Variants in PAG1 observed in about 807,000 individuals in gnomAD.
The protein encoded by PAG1 is phosphoprotein associated with glycosphingolipid-enriched microdomains 1.
A neutral mutation model predicts 31.7 loss-of-function variants in PAG1; 23 were observed. The ratio of observed to expected loss-of-function variants is 0.73; its 90% CI spans 0.52 to 1.03. The LOEUF is 1.03. Ranked by LOEUF, PAG1 falls within the 50% of genes least tolerant of loss-of-function variation. The pLI is 0.00. For missense variants in PAG1, 473 were observed against 540.7 expected, an observed-to-expected ratio of 0.87 and a Z score of 1.24; for synonymous variants, 214 against 210.3, an observed-to-expected ratio of 1.02 and a Z score of -0.15.
chr8:81,004,403 C>T (rs1188365144), intron 3 of PAG1, among the ~76,000 whole-genome samples: 1 of 152,142 alleles, frequency 6.6e-6, no homozygotes, highest in Non-Finnish European at 1.5e-5. Context: ...TGACCAATAC[C>T]TCGCATGATA....
chr8:81,042,702 C>T (rs1808574384), intron 2 of PAG1, among the ~76,000 whole-genome samples: 1 of 151,968 alleles, frequency 6.6e-6, no homozygotes, highest in South Asian at 2.1e-4. Flanking sequence ...GATGGGAAAA[C>T]ACAGACAGGA....
intron 7 of PAG1, among the ~76,000 whole-genome samples, chr8:80,981,546 C>T (rs534788160): frequency 6.6e-6 from 1 of 152,104 alleles, no homozygotes; most frequent in African/African-American, 2.4e-5. Flanking sequence ...GATGATCTTG[C>T]TTCCTAGTTG....
At chr8:81,017,045 G>A (rs1033452247) in intron 3 of PAG1, among the ~76,000 whole-genome samples, 6 of 152,114 alleles carry the variant, frequency 3.9e-5, no homozygotes, top group South Asian at 2.1e-4. Context: ...TGTTGCATGA[G>A]TGAACCTGGC....
chr8:81,085,000 A>G (rs1425536589), intron 1 of PAG1, among the ~76,000 whole-genome samples: 4 of 152,252 alleles, frequency 2.6e-5, no homozygotes, highest in African/African-American at 9.6e-5. Flanking sequence ...ATAAGATACA[A>G]TGAAGGGCAA....
chr8:81,011,231 CA>C (rs1807978392), intron 3 of PAG1, among the ~76,000 whole-genome samples: 1 of 152,208 alleles, frequency 6.6e-6, no homozygotes, highest in African/African-American at 2.4e-5. Flanking sequence ...TGTCCCCACC[CA>C]AATGTCATCT....
intron 2 of PAG1, among the ~76,000 whole-genome samples, chr8:81,046,679 T>A (rs146042334): frequency 6.6e-6 from 1 of 152,226 alleles, no homozygotes; most frequent in African/African-American, 2.4e-5. Flanking sequence ...GTCTTTTTTT[T>A]AAATTTCCAA....
At chr8:81,090,804 GCTGA>G (rs1809432594) in intron 1 of PAG1, among the ~76,000 whole-genome samples, 1 of 151,520 alleles carries the variant, frequency 6.6e-6, no homozygotes, top group Admixed American at 6.5e-5. Flanking sequence ...AAGAAATGAG[GCTGA>G]CTGACCACCA....
intron 1 of PAG1, among the ~76,000 whole-genome samples, chr8:81,109,697 G>C (rs1278230631): frequency 3.9e-5 from 6 of 152,262 alleles, no homozygotes; most frequent in South Asian, 4.2e-4. Context: ...AGCTTAATAT[G>C]CCAGATACTG....
rs1305911575 is a variant in PAG1 at position 80,975,672 on chromosome 8, G to A, written c.*872C>T. On this transcript the variant is annotated 3_prime_UTR_variant, in exon 9 of 9. Transcript: ENST00000220597. ...TCTGTGTCCCAACATAAAGATTAAG[G>A]CTCTCTGTTTTGAAGGAATGAGTTC... The A allele has an allele frequency of 6.6e-6, 1 of 152,136 alleles. No individual in the cohort carries two copies. The highest frequency in any genetic ancestry group is 6.6e-5 in the Admixed American group (1 of 15,264). The allele number at this position is 152,136 out of a possible 1,614,324, so 9.4% of individuals were successfully genotyped here.
intron 1 of PAG1, among the ~76,000 whole-genome samples, chr8:81,078,117 T>C (rs912279476): frequency 6.6e-6 from 1 of 152,252 alleles, no homozygotes. Context: ...TTTATCTCCT[T>C]CAGTGCCAGA....
chr8:81,034,350 C>T (rs916118052), intron 2 of PAG1, among the ~76,000 whole-genome samples: 1 of 152,148 alleles, frequency 6.6e-6, no homozygotes, highest in Admixed American at 6.5e-5. Flanking sequence ...AAGGATGTTG[C>T]TATAATAAAA....
At chr8:81,086,070 C>G (rs532093202) in intron 1 of PAG1, among the ~76,000 whole-genome samples, 245 of 146,274 alleles carry the variant, frequency 1.7e-3, no homozygotes, top group African/African-American at 5.8e-3. Context: ...CAAGCTCCGC[C>G]TCCCGGGTTC....
At chr8:81,032,461 A>G (rs1384464029) in intron 2 of PAG1, among the ~76,000 whole-genome samples, 1 of 152,232 alleles carries the variant, frequency 6.6e-6, no homozygotes, top group Non-Finnish European at 1.5e-5. Context: ...AAAGATGCTC[A>G]ACATCACAAC....
intron 1 of PAG1, among the ~76,000 whole-genome samples, chr8:81,084,642 T>C (rs1407389979): frequency 6.6e-6 from 1 of 152,176 alleles, no homozygotes; most frequent in Non-Finnish European, 1.5e-5. Context: ...TTTGAAGGCT[T>C]CTTTCTTTCC....
intron 3 of PAG1, among the ~76,000 whole-genome samples, chr8:81,002,305 C>T (rs1807800528): frequency 6.6e-6 from 1 of 152,060 alleles, no homozygotes; most frequent in South Asian, 2.1e-4. Flanking sequence ...ACAAATGCCT[C>T]TCAATCAAAT....
intron 2 of PAG1, among the ~76,000 whole-genome samples, chr8:81,053,358 TTC>T (rs1409737354): frequency 6.6e-6 from 1 of 152,250 alleles, no homozygotes; most frequent in African/African-American, 2.4e-5. Flanking sequence ...TTTTACAATA[TTC>T]TGACTTTCTA....
chr8:81,099,482 C>T (rs79781041), intron 1 of PAG1, among the ~76,000 whole-genome samples: 972 of 152,050 alleles, frequency 6.4e-3, no homozygotes, highest in Middle Eastern at 0.014. Context: ...CTGAGAGTTC[C>T]GATAACTAAG....
intron 2 of PAG1, among the ~76,000 whole-genome samples, chr8:81,068,699 A>C (rs1809047582): frequency 6.6e-6 from 1 of 152,216 alleles, no homozygotes; most frequent in South Asian, 2.1e-4. Context: ...GTAGGTACTA[A>C]AATAAGATAC....
chr8:81,043,187 T>C (rs1808584161), intron 2 of PAG1, among the ~76,000 whole-genome samples: 1 of 152,158 alleles, frequency 6.6e-6, no homozygotes, highest in Admixed American at 6.6e-5. Context: ...ATTCGCCCAC[T>C]GGTGAAGTCT....
Sources: allele counts gnomAD v4.1 joint callset (sites outside exome capture counted in the v4.1 genomes callset), GRCh38; gene constraint gnomAD v4.1.1; transcripts MANE v1.5; gene names NCBI Gene and HGNC (gene_info 2026-07-23, HGNC 2026-07-21).